Variants in UBE2R2 observed in about 807,000 individuals in gnomAD.
UBE2R2 encodes the protein ubiquitin-conjugating enzyme E2 R2.
A neutral mutation model predicts 27.8 loss-of-function variants in UBE2R2; 1 was observed. The ratio of observed to expected loss-of-function variants is 0.04; its 90% CI spans 0.01 to 0.17. UBE2R2 has a LOEUF of 0.17. Ranked by LOEUF, UBE2R2 falls within the 10% of genes least tolerant of loss-of-function variation. The probability of loss-of-function intolerance (pLI) is 1.00; values close to 1 mark genes in which losing one functional copy is unlikely to be tolerated. For synonymous variants in UBE2R2, 106 were observed against 113.3 expected (o/e 0.94, Z 0.41); for missense variants, 100 against 291.0 (o/e 0.34, Z 4.78).
At chr9:33,828,023 A>G (rs1423787303) in intron 1 of UBE2R2, among the ~76,000 whole-genome samples, 3 of 151,680 alleles carry the variant, frequency 2.0e-5, no homozygotes, top group African/African-American at 7.2e-5. Context: ...AAATTAAATT[A>G]GGCTGGGCAC....
Position 33,832,124 on chromosome 9 carries a change from T to C in UBE2R2, c.177+14190T>C, listed in dbSNP as rs7859690. The stretch of plus-strand genomic sequence containing the variant: ...GGGAGTTCGAGACCAGCCTGACCAA[T>C]ATGGAGAAACCCCGTCTCTACTAAA... On this transcript the variant is annotated intron_variant, in intron 1 of 4. Transcript: ENST00000263228. 1.4e-5 allele frequency among the ~76,000 whole-genome samples: 2 copies of C among 141,406 alleles called. 1 individual carries two copies. Among genetic ancestry groups the C allele is most frequent in the South Asian group, 4.7e-4 (2 of 4,214 alleles). The allele number at this position is 141,406 out of a possible 152,430, so 92.8% of individuals were successfully genotyped here.
chr9:33,825,255 T>TA (rs1359414056), intron 1 of UBE2R2, among the ~76,000 whole-genome samples: 5 of 144,520 alleles, frequency 3.5e-5, no homozygotes, highest in Non-Finnish European at 7.8e-5. Context: ...TTTTTTTTTT[T>TA]TTTTTTTTGA....
chr9:33,879,028 GC>G (rs1821675159), intron 1 of UBE2R2, among the ~76,000 whole-genome samples: 1 of 152,152 alleles, frequency 6.6e-6, no homozygotes, highest in African/African-American at 2.4e-5. Flanking sequence ...GATTGCTTGA[GC>G]CCAGAAGTTT....
At chr9:33,846,951 A>G (rs1820858470) in intron 1 of UBE2R2, among the ~76,000 whole-genome samples, 2 of 148,608 alleles carry the variant, frequency 1.3e-5, no homozygotes, top group Non-Finnish European at 3.0e-5. Flanking sequence ...TCTGCTGTCA[A>G]CAACCCGTCT....
At chr9:33,854,717 A>ATT (rs60300328) in intron 1 of UBE2R2, among the ~76,000 whole-genome samples, 9,514 of 138,580 alleles carry the variant, frequency 0.069, 443 homozygotes, top group Non-Finnish European at 0.1. Context: ...TGCAAGTGCA[A>ATT]TTTTTTTTTT....
Position 33,918,386 on chromosome 9 carries a change from T to G in UBE2R2, c.*1149T>G, listed in dbSNP as rs1822709454. 6.6e-6 allele frequency: 1 copy of G among 151,928 alleles called. No homozygotes were observed. Among genetic ancestry groups the G allele is most frequent in the Non-Finnish European group, 1.5e-5 (1 of 68,016 alleles). The allele number at this position is 151,928 out of a possible 1,614,324, so 9.4% of individuals were successfully genotyped here. A position where few individuals can be genotyped will look rare whatever the true frequency, so the allele number is the denominator to read the frequency against. ...TTACCGCCTTCTTCATTGGATGTGATCTGAACTTTTTTTCTCCTTTCAACA... is the reference window on the plus strand; with the variant it reads ...TTACCGCCTTCTTCATTGGATGTGAGCTGAACTTTTTTTCTCCTTTCAACA... On this transcript the variant is annotated 3_prime_UTR_variant, in exon 5 of 5. Coordinates refer to ENST00000263228, the MANE Select transcript of UBE2R2 (RefSeq NM_017811.4).
chr9:33,831,820 C>T (rs375785987), intron 1 of UBE2R2, among the ~76,000 whole-genome samples: 5 of 151,786 alleles, frequency 3.3e-5, no homozygotes, highest in South Asian at 4.2e-4. Context: ...CCAACACGCC[C>T]GGTTAATTTT....
chr9:33,896,755 G>T (rs1393233140), intron 2 of UBE2R2, among the ~76,000 whole-genome samples: 1 of 151,690 alleles, frequency 6.6e-6, no homozygotes, highest in Non-Finnish European at 1.5e-5. Context: ...GCAACTGAGG[G>T]TTTTTAATAA....
intron 1 of UBE2R2, among the ~76,000 whole-genome samples, chr9:33,841,355 C>T (rs543083799): frequency 7.2e-4 from 109 of 152,266 alleles, no homozygotes; most frequent in African/African-American, 2.4e-3. Flanking sequence ...GCTGGGATTA[C>T]GGGCGTGAGC....
chr9:33,828,925 G>A (rs1820379977), intron 1 of UBE2R2, among the ~76,000 whole-genome samples: 1 of 152,062 alleles, frequency 6.6e-6, no homozygotes, highest in African/African-American at 2.4e-5. Context: ...AGTAGAGATG[G>A]GGTTTCACCC....
chr9:33,911,737 T>G (rs938608206), intron 3 of UBE2R2, among the ~76,000 whole-genome samples: 1 of 152,182 alleles, frequency 6.6e-6, no homozygotes, highest in Non-Finnish European at 1.5e-5. Context: ...GCAGCTTGTT[T>G]CTTAGTGCTG....
At chr9:33,831,026 T>A (rs1168709098) in intron 1 of UBE2R2, 2 of 144,200 alleles carry the variant, frequency 1.4e-5, no homozygotes, top group Non-Finnish European at 3.0e-5. Context: ...CACAACCAGT[T>A]ACAGATTGCT....
chr9:33,890,732 C>A (rs1821960884), intron 2 of UBE2R2, among the ~76,000 whole-genome samples: 1 of 152,150 alleles, frequency 6.6e-6, no homozygotes, highest in South Asian at 2.1e-4. Context: ...ATTGCTTGAA[C>A]CCAGGAGGCA....
intron 1 of UBE2R2, among the ~76,000 whole-genome samples, chr9:33,859,611 A>G (rs1021751241): frequency 6.6e-6 from 1 of 152,178 alleles, no homozygotes; most frequent in Non-Finnish European, 1.5e-5. Context: ...AAATTTTTAC[A>G]GAAGCATTGT....
intron 1 of UBE2R2, among the ~76,000 whole-genome samples, chr9:33,865,659 TTAGAC>T (rs1164784552): frequency 6.6e-6 from 1 of 152,198 alleles, no homozygotes; most frequent in East Asian, 1.9e-4. Flanking sequence ...TAGTTTTAAT[TTAGAC>T]TAATTTTCAG....
At chr9:33,849,432 G>C (rs936395408) in intron 1 of UBE2R2, among the ~76,000 whole-genome samples, 1 of 152,088 alleles carries the variant, frequency 6.6e-6, no homozygotes, top group Non-Finnish European at 1.5e-5. Context: ...TATATAAAGA[G>C]ATATGTAAGT....
intron 2 of UBE2R2, among the ~76,000 whole-genome samples, chr9:33,897,024 ATTTTTTTTTTTTT>A (rs749987839): frequency 3.0e-4 from 12 of 40,596 alleles, no homozygotes; most frequent in Admixed American, 2.8e-3. Flanking sequence ...CTGTGGCCTA[ATTTTTTTTTTTTT>A]TTTTTTTTTT....
intron 3 of UBE2R2, among the ~76,000 whole-genome samples, chr9:33,902,607 G>A (rs1037522272): frequency 2.6e-5 from 4 of 152,092 alleles, no homozygotes; most frequent in African/African-American, 9.7e-5. Context: ...TGCCTGTATC[G>A]TAACCAGTTC....
chr9:33,859,436 A>G (rs1233388734), intron 1 of UBE2R2, among the ~76,000 whole-genome samples: 2 of 152,188 alleles, frequency 1.3e-5, no homozygotes, highest in Non-Finnish European at 2.9e-5. Context: ...CCTTGAGAAT[A>G]TCCCTGTTTT....
Sources: gnomAD v4.1 joint callset for allele counts (sites outside exome capture counted in the v4.1 genomes callset) on GRCh38, gnomAD v4.1.1 for gene constraint, MANE v1.5 for transcripts, NCBI Gene and HGNC (gene_info 2026-07-23, HGNC 2026-07-21) for gene names.